Variants in WWOX observed in about 807,000 individuals in gnomAD.
WWOX encodes the protein WW domain-containing oxidoreductase.
In WWOX, 69 loss-of-function variants were observed where a neutral mutation model predicts 46.2. That is an observed-to-expected ratio of 1.49 (90% confidence interval 1.23 to 1.82). The LOEUF (loss-of-function observed/expected upper bound fraction) is 1.82, where lower values mean the gene tolerates loss of function less well. Among genes scored for constraint, WWOX ranks in the 40% most tolerant of loss-of-function variants. The pLI is 0.00. For synonymous variants in WWOX, 359 were observed against 202.6 expected (o/e 1.77, Z -6.56); for missense variants, 919 against 542.6 (o/e 1.69, Z -6.89).
chr16:78,873,093 A>T (rs1469120292), intron 8 of WWOX: 1 of 152,168 alleles, frequency 6.6e-6, no homozygotes, highest in African/African-American at 2.4e-5. Flanking sequence ...CACCACACCC[A>T]GCCCAGAGGC....
At chr16:78,770,095 T>C (rs976633748) in intron 8 of WWOX, among the ~76,000 whole-genome samples, 1 of 151,988 alleles carries the variant, frequency 6.6e-6, no homozygotes. Context: ...GTCATGCATG[T>C]AATCCCAGCA....
chr16:78,601,013 C>T (rs1453232420), intron 8 of WWOX, among the ~76,000 whole-genome samples: 1 of 152,152 alleles, frequency 6.6e-6, no homozygotes, highest in Admixed American at 6.5e-5. Context: ...AAAGCATTGC[C>T]TGCACCCTCA....
At chr16:78,641,382 T>C (rs578167088) in intron 8 of WWOX, among the ~76,000 whole-genome samples, 173 of 152,236 alleles carry the variant, frequency 1.1e-3, no homozygotes, top group South Asian at 1.9e-3. Flanking sequence ...ATTGCTGCAC[T>C]TGTAGTGTCA....
chr16:78,870,449 G>T (rs889028237), intron 8 of WWOX, among the ~76,000 whole-genome samples: 1 of 151,800 alleles, frequency 6.6e-6, no homozygotes, highest in Admixed American at 6.5e-5. Flanking sequence ...GGGATAACCG[G>T]AATTGATACA....
At chr16:78,642,758 G>T (rs2046751005) in intron 8 of WWOX, among the ~76,000 whole-genome samples, 1 of 152,114 alleles carries the variant, frequency 6.6e-6, no homozygotes, top group Non-Finnish European at 1.5e-5. Context: ...GGATACCTCA[G>T]TGGGGAACTC....
At chr16:78,653,363 A>C (rs11865943) in intron 8 of WWOX, among the ~76,000 whole-genome samples, 11,629 of 152,250 alleles carry the variant, frequency 0.076, 1,487 homozygotes, top group African/African-American at 0.27. Context: ...ACTTTTTGTA[A>C]AAGTAATCAG....
intron 8 of WWOX, among the ~76,000 whole-genome samples, chr16:78,515,885 G>C (rs1008493609): frequency 2.6e-5 from 4 of 152,124 alleles, no homozygotes; most frequent in African/African-American, 9.7e-5. Flanking sequence ...GACACCTGAA[G>C]GTGAACATCT....
At chr16:78,670,304 C>T (rs377604980) in intron 8 of WWOX, among the ~76,000 whole-genome samples, 5 of 152,130 alleles carry the variant, frequency 3.3e-5, no homozygotes, top group Non-Finnish European at 7.4e-5. Context: ...CTGTCTTTTC[C>T]GACCCTCCCG....
intron 8 of WWOX, among the ~76,000 whole-genome samples, chr16:78,962,953 A>G (rs7189021): frequency 0.14 from 22,061 of 152,176 alleles, 1,810 homozygotes; most frequent in African/African-American, 0.2. Flanking sequence ...TTTGCCCACG[A>G]TATTTCATTC....
chr16:78,465,684 G>T (rs746933608), intron 8 of WWOX, among the ~76,000 whole-genome samples: 1 of 152,182 alleles, frequency 6.6e-6, no homozygotes, highest in South Asian at 2.1e-4. Flanking sequence ...ATGTTCCTTG[G>T]TATGTAAATT....
intron 8 of WWOX, among the ~76,000 whole-genome samples, chr16:78,792,320 C>G (rs553163648): frequency 9.2e-5 from 14 of 152,266 alleles, no homozygotes; most frequent in Admixed American, 3.9e-4. Flanking sequence ...CACCTTGGAT[C>G]TCTCTCCTCT....
chr16:79,135,146 T>A (rs184235227), intron 8 of WWOX, among the ~76,000 whole-genome samples: 1 of 152,346 alleles, frequency 6.6e-6, no homozygotes, highest in East Asian at 1.9e-4. Flanking sequence ...TTTCTTCTTA[T>A]ACCTCCAAAA....
chr16:78,361,469 C>T (rs2081408523), intron 5 of WWOX, among the ~76,000 whole-genome samples: 1 of 152,100 alleles, frequency 6.6e-6, no homozygotes. Flanking sequence ...CACATGCTGA[C>T]TTTCTATTGT....
chr16:78,393,565 A>T (rs1427775288), intron 6 of WWOX, among the ~76,000 whole-genome samples: 1 of 152,164 alleles, frequency 6.6e-6, no homozygotes, highest in Non-Finnish European at 1.5e-5. Context: ...CTGAATTGCA[A>T]TCCTGGAACT....
rs58334968 is a variant in WWOX, at chr16:79,211,034, AGTGTGTGT to A, written c.1057-558_1057-551del. Among the ~76,000 whole-genome samples, 21 of 149,718 alleles carry A rather than the reference AGTGTGTGT, an allele frequency of 1.4e-4. No homozygotes were observed. The South Asian group carries it at 1.7e-3, about 12-fold the overall frequency. On this transcript the variant is annotated intron_variant, in intron 8 of 8. Coordinates refer to ENST00000566780, the MANE Select transcript of WWOX (RefSeq NM_016373.4). Reference sequence around the variant, plus strand: ...TGCTAAGTATGAATGTATGGTGAGGAGTGTGTGTGTGTGTGTGTGTGTGCATTAAATGT... The same window carrying A: ...TGCTAAGTATGAATGTATGGTGAGGAGTGTGTGTGTGTGTGCATTAAATGT...
chr16:78,140,215 G>A (rs913694128), intron 4 of WWOX, among the ~76,000 whole-genome samples: 1 of 152,152 alleles, frequency 6.6e-6, no homozygotes. Flanking sequence ...CATGAGAGGT[G>A]CCCGATACAG....
intron 8 of WWOX, among the ~76,000 whole-genome samples, chr16:79,147,985 G>T (rs994071286): frequency 3.3e-5 from 5 of 151,832 alleles, no homozygotes; most frequent in African/African-American, 1.2e-4. Context: ...TTCTTTGTTG[G>T]ATATGTGGTT....
At chr16:78,718,375 CA>C (rs1365981196) in intron 8 of WWOX, among the ~76,000 whole-genome samples, 3 of 151,998 alleles carry the variant, frequency 2.0e-5, no homozygotes, top group African/African-American at 7.3e-5. Context: ...CAGAAGTTAT[CA>C]TTGTGTTTTT....
intron 8 of WWOX, among the ~76,000 whole-genome samples, chr16:78,683,996 C>G (rs931694743): frequency 1.3e-5 from 2 of 152,180 alleles, no homozygotes; most frequent in South Asian, 2.1e-4. Context: ...CTGTGGCGTT[C>G]TCTTTTTCTG....
Sources: allele counts gnomAD v4.1 joint callset (sites outside exome capture counted in the v4.1 genomes callset), GRCh38; gene constraint gnomAD v4.1.1; transcripts MANE v1.5; gene names NCBI Gene and HGNC (gene_info 2026-07-23, HGNC 2026-07-21).